Variants in POM121 observed in about 807,000 individuals in gnomAD.
POM121 encodes the protein POM121 transmembrane nucleoporin.
In POM121, 32 loss-of-function variants were observed where a neutral mutation model predicts 81.3. The ratio of observed to expected loss-of-function variants is 0.39; its 90% CI spans 0.30 to 0.53. POM121 has a LOEUF of 0.53. Ranked by LOEUF, POM121 falls within the 20% of genes least tolerant of loss-of-function variation. The pLI is 0.66. For synonymous variants in POM121, 514 were observed against 694.2 expected, an observed-to-expected ratio of 0.74 and a Z score of 4.08; for missense variants, 1,138 against 1,614.6, an observed-to-expected ratio of 0.70 and a Z score of 5.06.
Position 72,938,833 on chromosome 7 carries a change from C to T in POM121, c.1367+152C>T, listed in dbSNP as rs531569785. On this transcript the variant is annotated intron_variant, in intron 6 of 12. Transcript: ENST00000434423. Reference sequence around the variant, plus strand: ...CCTGAGAGGTACAATGCAGTACCCACCCGAAGTGCTGTCATCCCTACAGTC... The same window carrying T: ...CCTGAGAGGTACAATGCAGTACCCATCCGAAGTGCTGTCATCCCTACAGTC... 12 of 905,558 alleles carry T rather than the reference C, an allele frequency of 1.3e-5. 1 individual carries two copies. Among genetic ancestry groups the T allele is most frequent in the Non-Finnish European group, 2.1e-5 (12 of 571,784 alleles). 56.1% of individuals were successfully genotyped at this position (905,558 alleles called of 1,614,324 possible).
chr7:72,919,263 G>A (rs1185206447), intron 4 of POM121, among the ~76,000 whole-genome samples: 2 of 144,546 alleles, frequency 1.4e-5, no homozygotes, highest in African/African-American at 5.2e-5. Context: ...GCTTGGAGCT[G>A]TCTTACTCTG....
At chr7:72,928,119 TC>T (rs1332419313) in intron 3 of POM121, among the ~76,000 whole-genome samples, 1 of 152,060 alleles carries the variant, frequency 6.6e-6, no homozygotes, top group Admixed American at 6.6e-5. Flanking sequence ...GGCAGGAGAA[TC>T]GCTTGAACCC....
intron 4 of POM121, among the ~76,000 whole-genome samples, chr7:72,929,126 A>C (rs138141581): frequency 1.3e-5 from 2 of 152,202 alleles, no homozygotes; most frequent in African/African-American, 4.8e-5. Flanking sequence ...CAACAGCCCA[A>C]AGGGGTGGTG....
At chr7:72,880,194 G>A (rs1190553518) in intron 1 of POM121, among the ~76,000 whole-genome samples, 1 of 152,154 alleles carries the variant, frequency 6.6e-6, no homozygotes, top group African/African-American at 2.4e-5. Context: ...CTAAACGTCC[G>A]TCAGCACTTC....
chr7:72,919,525 A>T (rs1477231145), intron 4 of POM121, among the ~76,000 whole-genome samples: 19 of 152,160 alleles, frequency 1.2e-4, no homozygotes, highest in Admixed American at 1.0e-3. Flanking sequence ...TCTGTCACCC[A>T]GGCTGGAGTG....
intron 3 of POM121, among the ~76,000 whole-genome samples, chr7:72,905,429 C>T (rs572797073): frequency 2.0e-5 from 3 of 152,136 alleles, no homozygotes; most frequent in Non-Finnish European, 4.4e-5. Flanking sequence ...TTTGGCTGGG[C>T]ATGGTGGCTC....
intron 1 of POM121, among the ~76,000 whole-genome samples, chr7:72,887,815 G>A (rs1167543825): frequency 7.2e-5 from 11 of 152,136 alleles, no homozygotes; most frequent in Admixed American, 2.0e-4. Context: ...AGACAAGAGC[G>A]AGACTTCATC....
At chr7:72,944,911 C>T (rs1167287056) in intron 11 of POM121, among the ~76,000 whole-genome samples, 2 of 152,120 alleles carry the variant, frequency 1.3e-5, no homozygotes, top group African/African-American at 2.4e-5. Flanking sequence ...CAAGGGTCCT[C>T]TGTGAATCAG....
chr7:72,889,066 T>G (rs1254425045), intron 1 of POM121, among the ~76,000 whole-genome samples: 1 of 152,214 alleles, frequency 6.6e-6, no homozygotes, highest in African/African-American at 2.4e-5. Context: ...ATGTTTCATT[T>G]TGGGTATTTG....
At chr7:72,948,369 G>A (rs782518564), downstream of POM121, 7 of 1,612,928 alleles carry the variant, frequency 4.3e-6, no homozygotes, top group Admixed American at 1.7e-5. Context: ...CCCGAGGAAG[G>A]GACCCAATAA....
In POM121 at chr7:72,925,371, CG is replaced by C; in HGVS notation, c.252del (p.Lys85ArgfsTer36). On this transcript the variant is annotated frameshift_variant, in exon 1 of 13. Transcript: ENST00000434423. LOFTEE classifies it high-confidence loss of function. ...TTCGCGCCCCTTGTCCTCCTTCGTT[CG>C]GAAGGCGCGTCATCGGCGCCCCTTG... ...RGSRPLSSFV[R>X]KARHRRPLSS... The C allele has an allele frequency of 6.6e-7, 1 of 1,523,078 alleles. No homozygotes were observed. Among genetic ancestry groups the C allele is most frequent in the Non-Finnish European group, 8.8e-7 (1 of 1,137,162 alleles). The allele number at this position is 1,523,078 out of a possible 1,614,324, so 94.3% of individuals were successfully genotyped here. A position where few individuals can be genotyped will look rare whatever the true frequency, so the allele number is the denominator to read the frequency against.
At chr7:72,923,113 A>ACCC (rs376744233), upstream of POM121, among the ~76,000 whole-genome samples, 226 of 80,744 alleles carry the variant, frequency 2.8e-3, no homozygotes, top group Middle Eastern at 0.017. Context: ...CTCCCCCCCA[A>ACCC]CCCCCCCCCC....
chr7:72,943,263 C>T lies in POM121; in HGVS notation c.3270C>T (p.Gly1090=), dbSNP rs781844436. The part of the protein sequence containing the change: ...ASSGSSSSVF[G]STTPSPFTFG... ...GCGGGAGCAGCAGCTCGGTGTTTGG[C>T]AGCACAACACCATCACCCTTCACGT... Residue 1090 remains glycine (G), a synonymous_variant, in exon 11 of 13, where the codon GGC becomes GGT. Coordinates refer to ENST00000434423, the MANE Select transcript of POM121 (RefSeq NM_001387691.1). The T allele has an allele frequency of 4.4e-5, 71 of 1,610,614 alleles. No homozygotes were observed. The highest frequency in any genetic ancestry group is 5.9e-5 in the Non-Finnish European group (69 of 1,179,112).
chr7:72,881,286 C>T (rs4424133), intron 1 of POM121, among the ~76,000 whole-genome samples: 4 of 150,546 alleles, frequency 2.7e-5, no homozygotes, highest in East Asian at 2.0e-4. Flanking sequence ...CCCAGGCAGG[C>T]GGATCACTTG....
intron 5 of POM121, among the ~76,000 whole-genome samples, chr7:72,933,292 C>A (rs1223361157): frequency 6.6e-6 from 1 of 151,472 alleles, no homozygotes; most frequent in Non-Finnish European, 1.5e-5. Context: ...AGGCAGAGGT[C>A]AAGTGAGCCG....
chr7:72,881,629 C>CT (rs1189818584), intron 1 of POM121, among the ~76,000 whole-genome samples: 3 of 151,534 alleles, frequency 2.0e-5, no homozygotes, highest in Non-Finnish European at 4.4e-5. Flanking sequence ...AGGATTCATA[C>CT]TTTTTTTTTC....
chr7:72,949,043 G>A (rs1296567227), downstream of POM121: 11 of 1,613,276 alleles, frequency 6.8e-6, no homozygotes, highest in South Asian at 2.2e-5. Context: ...GCCAGGGCAT[G>A]CAGACGCACC....
At chr7:72,913,074 A>G (rs1304083978) in intron 3 of POM121, among the ~76,000 whole-genome samples, 2 of 152,236 alleles carry the variant, frequency 1.3e-5, no homozygotes, top group African/African-American at 4.8e-5. Context: ...ACATTGATAC[A>G]CAGCATTTAT....
At position 72,925,131 on chromosome 7, in the gene POM121, G is replaced by A. The variant is rs1554496781; in HGVS notation, c.10G>A (p.Ala4Thr). The change falls in exon 1 of 13, where the codon GCG becomes ACG. Residue 4 changes from alanine to threonine, a missense_variant. This residue lies in a region of POM121 where 646 missense variants were observed against 633.5 expected (regional missense o/e 1.02). Transcript: ENST00000434423. MSP[A>T]AAAAGAGERR... ...GCGGCGCGGAGCCGCGATGTCTCCGGCGGCTGCGGCGGCTGGAGCAGGCGA... is the reference window on the plus strand; with the variant it reads ...GCGGCGCGGAGCCGCGATGTCTCCGACGGCTGCGGCGGCTGGAGCAGGCGA... The A allele has an allele frequency of 2.5e-5, 36 of 1,433,188 alleles. No homozygotes were observed. The highest frequency in any genetic ancestry group is 3.2e-5 in the Admixed American group (1 of 31,616). The allele number at this position is 1,433,188 out of a possible 1,614,324, so 88.8% of individuals were successfully genotyped here.
Sources: allele counts gnomAD v4.1 joint callset (sites outside exome capture counted in the v4.1 genomes callset), GRCh38; gene constraint gnomAD v4.1.1; regional missense constraint gnomAD v4.1.1; transcripts MANE v1.5; gene names NCBI Gene and HGNC (gene_info 2026-07-23, HGNC 2026-07-21).